Variants in CLSPN observed in about 807,000 individuals in gnomAD.
The protein encoded by CLSPN is claspin homolog.
In CLSPN, 85 loss-of-function variants were observed where a neutral mutation model predicts 156.3. The ratio of observed to expected loss-of-function variants is 0.54; its 90% CI spans 0.46 to 0.65. The LOEUF (loss-of-function observed/expected upper bound fraction) is 0.65. CLSPN is among the 30% of genes least tolerant of loss of function. The pLI is 0.00. For synonymous variants in CLSPN, 534 were observed against 542.4 expected, an observed-to-expected ratio of 0.98 and a Z score of 0.22; for missense variants, 1,407 against 1,554.9, an observed-to-expected ratio of 0.90 and a Z score of 1.60.
intron 24 of CLSPN, among the ~76,000 whole-genome samples, chr1:35,721,729 G>A (rs1389539241): frequency 6.6e-6 from 1 of 152,014 alleles, no homozygotes; most frequent in African/African-American, 2.4e-5. Flanking sequence ...GAATCTCAGA[G>A]ACAGGAAGAA....
At chr1:35,769,706 G>T (rs903965463) in intron 1 of CLSPN, 141 bp downstream of exon 1, 13 of 716,458 alleles carry the variant, frequency 1.8e-5, no homozygotes, top group Non-Finnish European at 2.1e-5. Context: ...TCTCGAGGCC[G>T]CGGGAGCCGG....
Position 35,753,851 on chromosome 1 carries a change from G to T in CLSPN, c.1665C>A (p.Val555=). The T allele has an allele frequency of 2.5e-6, 4 of 1,614,166 alleles. No individual in the cohort carries two copies. Among genetic ancestry groups the T allele is most frequent in the Non-Finnish European group, 3.4e-6 (4 of 1,180,028 alleles). Residue 555 remains valine, a synonymous_variant, in exon 9 of 25, where the codon GTC becomes GTA. Transcript: ENST00000318121. ...PRAGQTVNVN[V]IVKDMGTDGK... is the part of the protein sequence containing the mutation. ...CATCAGTGCCCATGTCTTTCACTAT[G>T]ACGTTCACATTCACTGTCTGACCAG...
Position 35,749,952 on chromosome 1 carries a change from T to G in CLSPN, c.2029-141A>C, listed in dbSNP as rs544976810. 6 of 965,976 alleles carry G rather than the reference T, an allele frequency of 6.2e-6. No individual in the cohort carries two copies. In the Admixed American group the frequency reaches 2.0e-4, roughly 32 times the overall value. The allele number at this position is 965,976 out of a possible 1,614,324, so 59.8% of individuals were successfully genotyped here. A position where few individuals can be genotyped will look rare whatever the true frequency, so the allele number is the denominator to read the frequency against. On this transcript the variant is annotated intron_variant, in intron 10 of 24. Transcript: ENST00000318121. ...AGGTAAACTTGAAGGAAGTTCCATA[T>G]GACCATTATCAACATAATTTTCCCT...
Position 35,765,332 on chromosome 1 carries a change from A to C in CLSPN, c.25-6T>G. 2 of 1,591,074 alleles carry C rather than the reference A, an allele frequency of 1.3e-6. No individual in the cohort carries two copies. The highest frequency in any genetic ancestry group is 1.7e-6 in the Non-Finnish European group (2 of 1,159,824). ...TCATTGATTTCTAGGTGAACCTAGA[A>C]AATGACAATATACTTTATATCAACC... is the stretch of plus-strand genomic sequence containing the variant. On this transcript the variant is annotated splice_region_variant and splice_polypyrimidine_tract_variant and intron_variant, in intron 1 of 24. Transcript: ENST00000318121.
intron 21 of CLSPN, 103 bp downstream of exon 21, chr1:35,738,352 G>T: frequency 8.2e-7 from 1 of 1,219,486 alleles, no homozygotes; most frequent in Non-Finnish European, 1.2e-6. Context: ...GCAATATGTT[G>T]CCTAAGATTT....
chr1:35,722,654 C>T (rs1488737140), intron 24 of CLSPN, among the ~76,000 whole-genome samples: 7 of 151,598 alleles, frequency 4.6e-5, no homozygotes, highest in East Asian at 1.9e-4. Context: ...TTCCCTGAGA[C>T]GGAGTCTTAC....
At position 35,735,079 on chromosome 1, in the gene CLSPN, A is replaced by T. The variant is rs1234291978; in HGVS notation, c.*1417T>A. On this transcript the variant is annotated 3_prime_UTR_variant, in exon 25 of 25. Coordinates refer to ENST00000318121, the MANE Select transcript of CLSPN (RefSeq NM_022111.4). ...AGGGCAATGTATGTAAGCCAGAAGA[A>T]TGCAATAAATAAGGGTTATGTTTCT... is the stretch of plus-strand genomic sequence containing the variant. 2.0e-6 allele frequency: 2 copies of T among 985,450 alleles called. No homozygotes were observed. Among genetic ancestry groups the T allele is most frequent in the East Asian group, 2.3e-4 (2 of 8,816 alleles). The allele number at this position is 985,450 out of a possible 1,614,324, so 61.0% of individuals were successfully genotyped here. A position where few individuals can be genotyped will look rare whatever the true frequency, so the allele number is the denominator to read the frequency against.
At chr1:35,729,555 G>A (rs1169627406), downstream of CLSPN, among the ~76,000 whole-genome samples, 1 of 152,184 alleles carries the variant, frequency 6.6e-6, no homozygotes, top group African/African-American at 2.4e-5. Flanking sequence ...TAAAACTACT[G>A]GGGACAGAAA....
intron 16 of CLSPN, among the ~76,000 whole-genome samples, chr1:35,743,809 G>C (rs1252650866): frequency 2.0e-5 from 3 of 151,990 alleles, no homozygotes; most frequent in African/African-American, 4.8e-5. Context: ...TTTTTGTAGA[G>C]ACAGATTTCA....
At chr1:35,736,703 A>C in intron 24 of CLSPN, 97 bp from the exon 25 acceptor site, 1 of 1,471,824 alleles carries the variant, frequency 6.8e-7, no homozygotes, top group Non-Finnish European at 9.0e-7. Context: ...GTGGATGATT[A>C]ACAACAGAAA....
Position 35,768,741 on chromosome 1 carries a change from T to A in CLSPN, c.24+1106A>T, listed in dbSNP as rs554145140. Among the ~76,000 whole-genome samples, 9 of 152,206 alleles carry A rather than the reference T, an allele frequency of 5.9e-5. No homozygotes were observed. The South Asian group carries it at 8.3e-4, about 14-fold the overall frequency. On this transcript the variant is annotated intron_variant, in intron 1 of 24. Transcript: ENST00000318121. Reference sequence around the variant, plus strand: ...TGATCCTCTCAACAATCCAAAGCAGTAAAACTATTACTTCTGTTTGTGAGT... The same window carrying A: ...TGATCCTCTCAACAATCCAAAGCAGAAAAACTATTACTTCTGTTTGTGAGT...
intron 8 of CLSPN, among the ~76,000 whole-genome samples, chr1:35,757,772 T>C (rs1642324728): frequency 6.6e-6 from 1 of 152,224 alleles, no homozygotes. Context: ...GCTATGCTAG[T>C]TCTGTTATAC....
rs750565196 is a variant in CLSPN, at chr1:35,743,461, A to G, written c.3036T>C (p.Ser1012=). 6.2e-7 allele frequency: 1 copy of G among 1,612,420 alleles called. No homozygotes were observed. The highest frequency in any genetic ancestry group is 8.5e-7 in the Non-Finnish European group (1 of 1,178,558). ...RLVSNDNEFD[S]DEDEHSDSGN... ...TTGTTCCCTTCATACTCACCTCATC[A>G]CTATCAAACTCATTATCATTTGAAA... Residue 1012 remains serine, a synonymous_variant, in exon 17 of 25, where the codon AGT becomes AGC. Transcript: ENST00000318121.
chr1:35,720,889 G>C (rs1641059077), exon 25 of CLSPN: 2 of 1,608,806 alleles, frequency 1.2e-6, no homozygotes, highest in Non-Finnish European at 1.7e-6. Flanking sequence ...GTCTCTCCCA[G>C]CTTAACCATG....
intron 24 of CLSPN, among the ~76,000 whole-genome samples, chr1:35,723,094 G>A (rs575377522): frequency 6.6e-5 from 10 of 152,276 alleles, no homozygotes; most frequent in African/African-American, 2.4e-4. Context: ...CATGTCCACA[G>A]GAAGACAAAA....
chr1:35,755,274 T>C (rs1217734183), intron 8 of CLSPN, among the ~76,000 whole-genome samples: 1 of 151,506 alleles, frequency 6.6e-6, no homozygotes, highest in Non-Finnish European at 1.5e-5. Context: ...TAATTTTTTT[T>C]TTTTTTTTTT....
At chr1:35,755,796 C>T (rs919936686) in intron 8 of CLSPN, among the ~76,000 whole-genome samples, 1 of 152,146 alleles carries the variant, frequency 6.6e-6, no homozygotes, top group African/African-American at 2.4e-5. Context: ...GCAACCTTGA[C>T]CTCCTGGGTT....
At position 35,749,754 on chromosome 1, in the gene CLSPN, C is replaced by A. The variant is rs368555540; in HGVS notation, c.2086G>T (p.Asp696Tyr). 1 of 1,613,884 alleles carries A rather than the reference C, an allele frequency of 6.2e-7. No individual in the cohort carries two copies. The highest frequency in any genetic ancestry group is 1.3e-5 in the African/African-American group (1 of 74,906). ...CTACTGCCATCATTATTTTCTTTAT[C>A]CATTTCTTTTTCATCTTTTGTTTCT... is the stretch of plus-strand genomic sequence containing the variant. ...EIETKDEKEM[D>Y]KENNDGSSEI... is the part of the protein sequence containing the mutation. The change falls in exon 11 of 25, where the codon GAT (aspartate) becomes TAT (tyrosine). Residue 696 changes from aspartate (D) to tyrosine (Y), a missense_variant. Asp to Tyr is a radical substitution (Grantham distance 160). Around this residue, in one of 3 missense-constraint regions of CLSPN, gnomAD observed 1,096 missense variants for 1,193.0 expected, o/e 0.92. Transcript: ENST00000318121.
Position 35,737,040 on chromosome 1 carries a change from A to C in CLSPN, c.3783T>G (p.Ala1261=). 2 of 1,614,192 alleles carry C rather than the reference A, an allele frequency of 1.2e-6. 1 individual carries two copies. Among genetic ancestry groups the C allele is most frequent in the South Asian group, 2.2e-5 (2 of 91,080 alleles). Reference sequence around the variant, plus strand: ...AGAGAGCAGCCAGTTTCTGAAGCACAGCTTTGGGCTGGTTTAGCAGTGAGC... The same window carrying C: ...AGAGAGCAGCCAGTTTCTGAAGCACCGCTTTGGGCTGGTTTAGCAGTGAGC... ...KTGSLLNQPK[A]VLQKLAALSD... The change falls in exon 24 of 25, where the codon GCT becomes GCG. Residue 1261 remains alanine (A), a synonymous_variant. Coordinates refer to ENST00000318121, the MANE Select transcript of CLSPN (RefSeq NM_022111.4).
Sources: allele counts gnomAD v4.1 joint callset (sites outside exome capture counted in the v4.1 genomes callset), GRCh38; gene constraint gnomAD v4.1.1; regional missense constraint gnomAD v4.1.1; transcripts MANE v1.5; gene names NCBI Gene and HGNC (gene_info 2026-07-23, HGNC 2026-07-21).